Variants in VMP1 observed in about 807,000 individuals in gnomAD.
VMP1 encodes ectopic P-granules autophagy protein 3 homolog.
Under a neutral mutation model 56.0 loss-of-function variants are expected in VMP1, and 11 were observed. The ratio of observed to expected loss-of-function variants is 0.20; its 90% CI spans 0.12 to 0.32. The LOEUF is 0.32. Among genes scored for constraint, VMP1 ranks in the 10% least tolerant of loss-of-function variants. VMP1 has a pLI of 1.00. For missense variants in VMP1, 296 were observed against 490.3 expected (o/e 0.60, Z 3.74); for synonymous variants, 149 against 165.0 (o/e 0.90, Z 0.74).
At position 59,782,765 on chromosome 17, in the gene VMP1, T is replaced by C. The variant is rs181344327; in HGVS notation, c.714+8880T>C. On this transcript the variant is annotated intron_variant, in intron 7 of 11. Coordinates refer to ENST00000262291, the MANE Select transcript of VMP1 (RefSeq NM_030938.5). ...TGAGAATGAGTTAGAAAATATGGGT[T>C]TTTATTTTTGAAGGTAAAGCCCTGT... 2.6e-5 allele frequency among the ~76,000 whole-genome samples: 4 copies of C among 151,402 alleles called. No homozygotes were observed. The East Asian group carries it at 7.8e-4, about 30-fold the overall frequency.
chr17:59,838,360 A>G lies in VMP1; in HGVS notation c.1040A>G (p.Gln347Arg), dbSNP rs1169435116. The change falls in exon 11 of 12, where the codon CAG becomes CGG. Residue 347 changes from glutamine (Q) to arginine (R), a missense_variant. Physicochemically the swap from Gln to Arg is conservative, Grantham distance 43. Around this residue, in one of 4 missense-constraint regions of VMP1, gnomAD observed 95 missense variants for 137.6 expected, o/e 0.69. Coordinates refer to ENST00000262291, the MANE Select transcript of VMP1 (RefSeq NM_030938.5). ...PFQEYLEAQR[Q>R]KLHHKSEMGT... ...CAGGAGTACCTGGAGGCTCAACGGC[A>G]GAAGCTTCACCACAAAAGCGAAATG... is the stretch of plus-strand genomic sequence containing the variant. 2.5e-6 allele frequency: 4 copies of G among 1,614,036 alleles called. No homozygotes were observed. The highest frequency in any genetic ancestry group is 2.7e-5 in the African/African-American group (2 of 74,914).
intron 7 of VMP1, among the ~76,000 whole-genome samples, chr17:59,783,837 G>T (rs937645261): frequency 6.6e-6 from 1 of 151,956 alleles, no homozygotes; most frequent in Non-Finnish European, 1.5e-5. Flanking sequence ...CTCTTTACTA[G>T]TTTTTTATCC....
chr17:59,742,726 G>A (rs1278082968), intron 5 of VMP1, among the ~76,000 whole-genome samples: 2 of 152,026 alleles, frequency 1.3e-5, no homozygotes, highest in Non-Finnish European at 2.9e-5. Context: ...TGGCAAGCAA[G>A]TGAAGCTTCA....
chr17:59,780,282 T>A (rs1293882726), intron 7 of VMP1, among the ~76,000 whole-genome samples: 1 of 152,232 alleles, frequency 6.6e-6, no homozygotes, highest in African/African-American at 2.4e-5. Flanking sequence ...TACTGTTTCA[T>A]GTTCTTTGTT....
intron 7 of VMP1, among the ~76,000 whole-genome samples, chr17:59,799,525 A>AT (rs1334035741): frequency 6.6e-6 from 1 of 151,972 alleles, no homozygotes; most frequent in Non-Finnish European, 1.5e-5. Context: ...TTTATTAACT[A>AT]TTTTCTTTGT....
intron 5 of VMP1, among the ~76,000 whole-genome samples, chr17:59,743,237 G>A (rs753012533): frequency 6.6e-6 from 1 of 152,026 alleles, no homozygotes; most frequent in Non-Finnish European, 1.5e-5. Flanking sequence ...AAAATGCCCT[G>A]TGCTTCACCT....
chr17:59,754,351 C>T (rs1301779470), intron 5 of VMP1, among the ~76,000 whole-genome samples: 3 of 152,076 alleles, frequency 2.0e-5, no homozygotes, highest in African/African-American at 7.2e-5. Context: ...TACTTTTTGA[C>T]TCTTGGCTAT....
At chr17:59,790,643 AGC>A (rs1484264270) in intron 7 of VMP1, among the ~76,000 whole-genome samples, 1 of 152,118 alleles carries the variant, frequency 6.6e-6, no homozygotes, top group East Asian at 1.9e-4. Flanking sequence ...TACAAAAATT[AGC>A]CGGGCAGTAG....
intron 6 of VMP1, among the ~76,000 whole-genome samples, chr17:59,765,964 A>C (rs777338024): frequency 5.3e-5 from 8 of 151,776 alleles, no homozygotes; most frequent in Non-Finnish European, 7.4e-5. Flanking sequence ...TTATATATAA[A>C]TATTAGATTG....
chr17:59,809,672 A>G lies in VMP1; in HGVS notation c.795+796A>G, dbSNP rs2037986791. On this transcript the variant is annotated intron_variant, in intron 8 of 11. Transcript: ENST00000262291. ...CAGGCGCCCGCCACTACGCCCGGCTAATTTTTTGTATTTTTAGTAGAGACG... is the reference window on the plus strand; with the variant it reads ...CAGGCGCCCGCCACTACGCCCGGCTGATTTTTTGTATTTTTAGTAGAGACG... Among the ~76,000 whole-genome samples, 3 of 150,036 alleles carry G rather than the reference A, an allele frequency of 2.0e-5. No individual in the cohort carries two copies. In the South Asian group the frequency reaches 6.3e-4, roughly 32 times the overall value.
intron 10 of VMP1, among the ~76,000 whole-genome samples, chr17:59,818,107 A>T (rs1018524214): frequency 6.6e-6 from 1 of 152,202 alleles, no homozygotes; most frequent in Non-Finnish European, 1.5e-5. Context: ...TTGCAGTTTA[A>T]TGGTGCTTTA....
chr17:59,809,042 C>T (rs923890831), intron 8 of VMP1, among the ~76,000 whole-genome samples, 166 bp downstream of exon 8: 1 of 151,720 alleles, frequency 6.6e-6, no homozygotes, highest in African/African-American at 2.4e-5. Flanking sequence ...TCTTGTCACC[C>T]AGGCTGGAGT....
chr17:59,749,297 T>A (rs1274004560), intron 5 of VMP1, among the ~76,000 whole-genome samples: 1 of 151,850 alleles, frequency 6.6e-6, no homozygotes, highest in African/African-American at 2.4e-5. Flanking sequence ...AGTATATGTA[T>A]ATATGAGTAT....
chr17:59,765,446 C>T (rs557516318), intron 6 of VMP1, among the ~76,000 whole-genome samples: 4 of 152,212 alleles, frequency 2.6e-5, no homozygotes, highest in African/African-American at 9.6e-5. Context: ...GGGTGCCAAC[C>T]CCCTGTGCAG....
intron 1 of VMP1, among the ~76,000 whole-genome samples, chr17:59,715,352 A>T (rs1296458758): frequency 6.6e-6 from 1 of 152,190 alleles, no homozygotes; most frequent in South Asian, 2.1e-4. Context: ...GGAAACTTAC[A>T]ATCATGGTGG....
chr17:59,725,318 CAGTTTTACAA>C (rs2143770382), intron 1 of VMP1, among the ~76,000 whole-genome samples: 1 of 152,188 alleles, frequency 6.6e-6, no homozygotes, highest in South Asian at 2.1e-4. Flanking sequence ...GGAGGCACTG[CAGTTTTACAA>C]AGTTTTACAG....
intron 3 of VMP1, among the ~76,000 whole-genome samples, chr17:59,737,220 G>A (rs1459048801): frequency 2.0e-5 from 3 of 152,066 alleles, no homozygotes; most frequent in Non-Finnish European, 4.4e-5. Flanking sequence ...AATAAGATCA[G>A]GCTTTGGGTA....
At chr17:59,747,419 T>TA (rs1053446203) in intron 5 of VMP1, among the ~76,000 whole-genome samples, 41 of 150,658 alleles carry the variant, frequency 2.7e-4, no homozygotes, top group African/African-American at 1.0e-3. Flanking sequence ...CTTTCTTTTT[T>TA]TTTTTTTTGA....
intron 7 of VMP1, among the ~76,000 whole-genome samples, chr17:59,794,517 ATTTTTTTTTTTTTTTTTTTT>A (rs71145572): frequency 1.4e-4 from 6 of 43,090 alleles, no homozygotes; most frequent in African/African-American, 2.3e-4. Flanking sequence ...CGCGCCCTGC[ATTTTTTTTTTTTTTTTTTTT>A]TTTTTTTTTT....
Sources: allele counts gnomAD v4.1 joint callset (sites outside exome capture counted in the v4.1 genomes callset), GRCh38; gene constraint gnomAD v4.1.1; regional missense constraint gnomAD v4.1.1; transcripts MANE v1.5; gene names NCBI Gene and HGNC (gene_info 2026-07-23, HGNC 2026-07-21).